Variants in ZNF521 observed in about 807,000 individuals in gnomAD.
ZNF521 encodes the protein LYST-interacting protein 3.
Under a neutral mutation model 105.5 loss-of-function variants are expected in ZNF521, and 14 were observed. The observed-to-expected ratio is 0.13, with a 90% CI of 0.09 to 0.21. ZNF521 has a LOEUF of 0.21. ZNF521 is among the 10% of genes least tolerant of loss of function. The pLI is 1.00. For missense variants in ZNF521, 1,233 were observed against 1,629.7 expected, an observed-to-expected ratio of 0.76 and a Z score of 4.19; for synonymous variants, 635 against 606.0, an observed-to-expected ratio of 1.05 and a Z score of -0.70.
intron 2 of ZNF521, among the ~76,000 whole-genome samples, chr18:25,333,009 C>A (rs1254053306): frequency 6.6e-6 from 1 of 151,834 alleles, no homozygotes; most frequent in African/African-American, 2.4e-5. Context: ...AATGTGACCA[C>A]ATATTATATA....
chr18:25,129,268 T>TA (rs72264876), intron 5 of ZNF521, among the ~76,000 whole-genome samples: 3,824 of 77,484 alleles, frequency 0.049, 103 homozygotes, highest in East Asian at 0.21. Flanking sequence ...TAATAATAAT[T>TA]ATTATTATTA....
In ZNF521 at chr18:25,131,242, C is replaced by T. The variant is rs946330276; in HGVS notation, c.3659-39161G>A. ...CATGCTCAAATTTCATCAAGAAAAC[C>T]ATGGGCTGCAAGATAAAACTTAAAG... On this transcript the variant is annotated intron_variant, in intron 5 of 7. Coordinates refer to ENST00000361524, the MANE Select transcript of ZNF521 (RefSeq NM_015461.3). Among the ~76,000 whole-genome samples the T allele has an allele frequency of 2.0e-5, 3 of 152,076 alleles. No homozygotes were observed. The South Asian group carries it at 6.2e-4, about 32-fold the overall frequency.
chr18:25,318,901 A>T (rs1194479973), intron 3 of ZNF521, among the ~76,000 whole-genome samples: 1 of 151,998 alleles, frequency 6.6e-6, no homozygotes, highest in Non-Finnish European at 1.5e-5. Flanking sequence ...TAGTATCCAT[A>T]TCTTGGTTTC....
At chr18:25,317,884 T>A (rs1912727722) in intron 3 of ZNF521, among the ~76,000 whole-genome samples, 1 of 151,892 alleles carries the variant, frequency 6.6e-6, no homozygotes, top group South Asian at 2.1e-4. Flanking sequence ...CTGGTGGGAG[T>A]TTTTGAAAAA....
At chr18:25,093,488 C>G (rs1309326469) in intron 5 of ZNF521, among the ~76,000 whole-genome samples, 2 of 152,194 alleles carry the variant, frequency 1.3e-5, no homozygotes, top group Non-Finnish European at 2.9e-5. Flanking sequence ...TGTAAGTCCT[C>G]TGCCAGCTGA....
intron 4 of ZNF521, among the ~76,000 whole-genome samples, chr18:25,204,694 G>T (rs2036048970): frequency 6.6e-6 from 1 of 151,908 alleles, no homozygotes; most frequent in African/African-American, 2.4e-5. Flanking sequence ...ATTAAACACT[G>T]AAAAAACTGT....
chr18:25,304,826 C>T lies in ZNF521; in HGVS notation c.220+17182G>A, dbSNP rs550000797. ...CATTCTGGTATATAATGATATACTG[C>T]CATAGGCAACACACATTTTCAGGTA... On this transcript the variant is annotated intron_variant, in intron 3 of 7. Transcript: ENST00000361524. 1.4e-4 allele frequency among the ~76,000 whole-genome samples: 22 copies of T among 152,244 alleles called. No homozygotes were observed. The South Asian group carries it at 4.6e-3, about 32-fold the overall frequency.
At chr18:25,162,829 T>A (rs1302782904) in intron 5 of ZNF521, among the ~76,000 whole-genome samples, 2 of 152,224 alleles carry the variant, frequency 1.3e-5, no homozygotes, top group East Asian at 3.8e-4. Flanking sequence ...TTAAGCATGA[T>A]TTTTAAGCTG....
intron 5 of ZNF521, among the ~76,000 whole-genome samples, chr18:25,177,562 T>C (rs78774809): frequency 8.0e-4 from 121 of 151,994 alleles, no homozygotes; most frequent in Admixed American, 2.7e-3. Flanking sequence ...TTTTTTTTTT[T>C]CAGGAGTTGA....
rs537472065 is a variant in ZNF521, at chr18:25,168,976, T to C, written c.3658+26184A>G. On this transcript the variant is annotated intron_variant, in intron 5 of 7. Transcript: ENST00000361524. Reference sequence around the variant, plus strand: ...TGGGGTGTGTGTGTGTGTGTGTGTGTATTTCATATTGTGTGAGGGACAGAA... The same window carrying C: ...TGGGGTGTGTGTGTGTGTGTGTGTGCATTTCATATTGTGTGAGGGACAGAA... Among the ~76,000 whole-genome samples, 6 of 151,780 alleles carry C rather than the reference T, an allele frequency of 4.0e-5. No individual in the cohort carries two copies. In the East Asian group the frequency reaches 1.2e-3, roughly 29 times the overall value.
At chr18:25,137,652 CT>C (rs2034761733) in intron 5 of ZNF521, among the ~76,000 whole-genome samples, 1 of 152,102 alleles carries the variant, frequency 6.6e-6, no homozygotes, top group Non-Finnish European at 1.5e-5. Flanking sequence ...TCTGCACTTC[CT>C]TATGGACAAG....
At chr18:25,242,046 A>T (rs1000735877) in intron 3 of ZNF521, among the ~76,000 whole-genome samples, 2 of 152,174 alleles carry the variant, frequency 1.3e-5, no homozygotes, top group African/African-American at 2.4e-5. Flanking sequence ...TCAGTGATCG[A>T]TGTTTATGTT....
In ZNF521 at chr18:25,227,244, T is replaced by C; in HGVS notation, c.674A>G (p.Glu225Gly). 6.2e-7 allele frequency: 1 copy of C among 1,614,088 alleles called. No homozygotes were observed. The highest frequency in any genetic ancestry group is 8.5e-7 in the Non-Finnish European group (1 of 1,180,002). ...SSLHGHMQVH[E>G]RNKDGSQSGS... Reference sequence around the variant, plus strand: ...GGACTGAGAGCCGTCCTTGTTCCTCTCATGAACCTGCATGTGTCCGTGTAA... The same window carrying C: ...GGACTGAGAGCCGTCCTTGTTCCTCCCATGAACCTGCATGTGTCCGTGTAA... The change falls in exon 4 of 8, where the codon GAG becomes GGG. Residue 225 changes from glutamate to glycine, a missense_variant. Physicochemically the swap from Glu to Gly is moderately conservative, Grantham distance 98 (BLOSUM62 -2). This residue lies in a region of ZNF521 where 380 missense variants were observed against 478.0 expected (regional missense o/e 0.80). Coordinates refer to ENST00000361524, the MANE Select transcript of ZNF521 (RefSeq NM_015461.3). The surrounding 1 kb of genome is among the most constrained non-coding windows in gnomAD (Gnocchi z 5.7).
At chr18:25,317,266 A>T (rs1470144191) in intron 3 of ZNF521, among the ~76,000 whole-genome samples, 3 of 147,664 alleles carry the variant, frequency 2.0e-5, no homozygotes, top group East Asian at 1.9e-4. Flanking sequence ...CCAGTTTTTT[A>T]AAAAATGTAA....
chr18:25,076,023 C>G (rs2033352814), intron 7 of ZNF521, among the ~76,000 whole-genome samples: 1 of 152,162 alleles, frequency 6.6e-6, no homozygotes, highest in Non-Finnish European at 1.5e-5. Context: ...AACCTCCAAG[C>G]CTCTGAGAAA....
intron 7 of ZNF521, among the ~76,000 whole-genome samples, chr18:25,083,409 G>T (rs548226695): frequency 6.6e-6 from 1 of 152,296 alleles, no homozygotes; most frequent in Admixed American, 6.5e-5. Flanking sequence ...TTCAAATAAT[G>T]ATGAATCTGG....
intron 5 of ZNF521, among the ~76,000 whole-genome samples, chr18:25,116,934 CGT>C (rs2034326260): frequency 7.6e-6 from 1 of 131,940 alleles, no homozygotes; most frequent in African/African-American, 3.1e-5. Flanking sequence ...TATATATATA[CGT>C]ATATATACAC....
intron 3 of ZNF521, among the ~76,000 whole-genome samples, chr18:25,248,681 A>T (rs954844021): frequency 1.1e-4 from 17 of 152,362 alleles, no homozygotes; most frequent in Admixed American, 9.1e-4. Context: ...GTCATTAATA[A>T]CAGTGTAAAT....
chr18:25,322,274 A>C, intron 2 of ZNF521, 87 bp from the exon 3 acceptor site: 1 of 1,368,784 alleles, frequency 7.3e-7, no homozygotes, highest in Non-Finnish European at 1.0e-6. Flanking sequence ...AAAAACAGAA[A>C]CACCATTTTC....
Sources: gnomAD v4.1 joint callset for allele counts (sites outside exome capture counted in the v4.1 genomes callset) on GRCh38, gnomAD v4.1.1 for gene constraint, gnomAD v4.1.1 regional missense constraint, Gnocchi (gnomAD v3.1) non-coding constraint, MANE v1.5 for transcripts, NCBI Gene and HGNC (gene_info 2026-07-23, HGNC 2026-07-21) for gene names.